Variants in PLAAT1 observed in about 807,000 individuals in gnomAD.
PLAAT1 encodes the protein H-REV107 protein-related protein.
In PLAAT1, 13 loss-of-function variants were observed where a neutral mutation model predicts 16.4. That is an observed-to-expected ratio of 0.79 (90% CI 0.52 to 1.26). The LOEUF (loss-of-function observed/expected upper bound fraction) is 1.26, where lower values mean the gene tolerates loss of function less well. Ranked by LOEUF, PLAAT1 falls within the 50% of genes most tolerant of loss-of-function variation. The pLI is 0.00. For synonymous variants in PLAAT1, 73 were observed against 78.4 expected (o/e 0.93, Z 0.36); for missense variants, 218 against 207.8 (o/e 1.05, Z -0.30).
downstream of PLAAT1, among the ~76,000 whole-genome samples, chr3:193,272,467 A>AAACAG (rs1440504650): frequency 6.6e-6 from 1 of 151,332 alleles, no homozygotes; most frequent in East Asian, 1.9e-4. Context: ...AAACAAAACA[A>AAACAG]AAAAACCCAG....
rs113450041 is a variant in PLAAT1, at chr3:193,268,965, C to T, written c.406-1639C>T. On this transcript the variant is annotated intron_variant, in intron 3 of 3. Transcript: ENST00000264735. ...CACCTCTGTTTAAAGACACTGATTGCACCTTCATTTTTTTTTTATTGACTA... is the reference window on the plus strand; with the variant it reads ...CACCTCTGTTTAAAGACACTGATTGTACCTTCATTTTTTTTTTATTGACTA... Among the ~76,000 whole-genome samples the T allele has an allele frequency of 8.6e-3, 1,302 of 152,190 alleles. 20 individuals carry two copies. Among genetic ancestry groups the T allele is most frequent in the African/African-American group, 0.03 (1,251 of 41,514 alleles).
In PLAAT1 at chr3:193,265,329, A is replaced by C. The variant is rs192243067; in HGVS notation, c.405+2094A>C. Reference sequence around the variant, plus strand: ...ATAAAAAGAAATGAAGTACTCATACATGCTACAGTATGGACCTTGAAAACA... The same window carrying C: ...ATAAAAAGAAATGAAGTACTCATACCTGCTACAGTATGGACCTTGAAAACA... On this transcript the variant is annotated intron_variant, in intron 3 of 3. Transcript: ENST00000264735. 2.6e-3 allele frequency among the ~76,000 whole-genome samples: 389 copies of C among 152,372 alleles called. 8 individuals are homozygous for C. The highest frequency in any genetic ancestry group is 0.023 in the Admixed American group (358 of 15,308).
chr3:193,246,135 T>C (rs755600037), intron 1 of PLAAT1, among the ~76,000 whole-genome samples: 2 of 152,176 alleles, frequency 1.3e-5, no homozygotes, highest in Non-Finnish European at 2.9e-5. Context: ...GTCTTTCTAA[T>C]CTTACAGGAA....
intron 1 of PLAAT1, among the ~76,000 whole-genome samples, chr3:193,249,461 T>C (rs1032526104): frequency 2.0e-5 from 3 of 152,198 alleles, no homozygotes; most frequent in African/African-American, 7.2e-5. Context: ...ATCATTTTAC[T>C]CAATGTCATT....
intron 1 of PLAAT1, among the ~76,000 whole-genome samples, chr3:193,253,561 T>G (rs913208230): frequency 2.6e-5 from 4 of 152,144 alleles, no homozygotes; most frequent in African/African-American, 9.7e-5. Flanking sequence ...CCCTAAGGGT[T>G]ACTTGCAGCA....
chr3:193,262,839 G>T, intron 2 of PLAAT1, 131 bp from the exon 3 acceptor site: 1 of 844,536 alleles, frequency 1.2e-6, no homozygotes, highest in Non-Finnish European at 1.9e-6. Context: ...GAGATTAAAT[G>T]ACTTTGGTTT....
At chr3:193,278,775 G>A (rs954930303), downstream of PLAAT1, among the ~76,000 whole-genome samples, 6 of 152,102 alleles carry the variant, frequency 3.9e-5, no homozygotes, top group South Asian at 4.1e-4. Flanking sequence ...CTCAGGTAGC[G>A]TTCAAGTATG....
At chr3:193,279,830 A>T (rs1181425328), downstream of PLAAT1, among the ~76,000 whole-genome samples, 1 of 151,846 alleles carries the variant, frequency 6.6e-6, no homozygotes, top group Non-Finnish European at 1.5e-5. Flanking sequence ...TCCTCTATTG[A>T]CATTCAAGGC....
At chr3:193,260,134 G>C (rs898128707) in intron 2 of PLAAT1, among the ~76,000 whole-genome samples, 2 of 152,154 alleles carry the variant, frequency 1.3e-5, no homozygotes, top group African/African-American at 4.8e-5. Context: ...AAATGGTGCT[G>C]GAATAACTGG....
Position 193,247,745 on chromosome 3 carries a change from C to T in PLAAT1, c.-1+6212C>T, listed in dbSNP as rs563559618. On this transcript the variant is annotated intron_variant, in intron 1 of 3. Transcript: ENST00000264735. ...TTTCCACATAGAGTTTTCCAAGATT[C>T]CTCCTGTTATTGATTTCTAGGTTTG... is the stretch of plus-strand genomic sequence containing the variant. Among the ~76,000 whole-genome samples the T allele has an allele frequency of 3.9e-5, 6 of 152,176 alleles. No homozygotes were observed. The East Asian group carries it at 1.2e-3, about 29-fold the overall frequency.
At chr3:193,276,077 G>A (rs1717186513) in intron 2 of PLAAT1, among the ~76,000 whole-genome samples, 1 of 151,934 alleles carries the variant, frequency 6.6e-6, no homozygotes, top group Non-Finnish European at 1.5e-5. Flanking sequence ...CTTCTTTTGG[G>A]TTATTAAAAC....
At chr3:193,267,359 A>T (rs1716816513) in intron 3 of PLAAT1, among the ~76,000 whole-genome samples, 1 of 151,508 alleles carries the variant, frequency 6.6e-6, no homozygotes, top group Non-Finnish European at 1.5e-5. Flanking sequence ...CCACCTATTC[A>T]TCCTTCCTTC....
At chr3:193,278,266 C>T (rs1331323484), downstream of PLAAT1, among the ~76,000 whole-genome samples, 2 of 152,142 alleles carry the variant, frequency 1.3e-5, no homozygotes, top group African/African-American at 4.8e-5. Context: ...AATTGCTTGT[C>T]TCTCCTCTCA....
downstream of PLAAT1, among the ~76,000 whole-genome samples, chr3:193,272,445 AAAAACAAAAC>A (rs376995592): frequency 9.0e-3 from 1,282 of 142,090 alleles, 20 homozygotes; most frequent in African/African-American, 0.031. Flanking sequence ...ACTCCACCTC[AAAAACAAAAC>A]AAAACAAAAC....
chr3:193,260,149 C>T (rs1205740197), intron 2 of PLAAT1, among the ~76,000 whole-genome samples: 4 of 152,028 alleles, frequency 2.6e-5, no homozygotes, highest in African/African-American at 9.7e-5. Context: ...AACTGGCTAG[C>T]CATATGCATA....
chr3:193,280,994 A>G (rs1483722215), downstream of PLAAT1, among the ~76,000 whole-genome samples: 5 of 152,166 alleles, frequency 3.3e-5, no homozygotes. Flanking sequence ...ATCCTTGAGC[A>G]CCTACACACA....
rs115481129 is a variant in PLAAT1, at chr3:193,260,843, T to C, written c.140-2127T>C. 4.5e-3 allele frequency among the ~76,000 whole-genome samples: 684 copies of C among 152,316 alleles called. 4 individuals are homozygous for C. Among genetic ancestry groups the C allele is most frequent in the African/African-American group, 0.016 (663 of 41,572 alleles). On this transcript the variant is annotated intron_variant, in intron 2 of 3. Transcript: ENST00000264735. The stretch of plus-strand genomic sequence containing the variant: ...CCATTTGATCCAGCAATCCTATTAC[T>C]GCATATATATCCAAAGGAAAATAAA...
intron 2 of PLAAT1, 134 bp downstream of exon 2, chr3:193,255,923 GT>G: frequency 1.3e-6 from 1 of 781,742 alleles, no homozygotes; most frequent in Non-Finnish European, 1.8e-6. Flanking sequence ...ACTAATCTAG[GT>G]TTAGAGAAGG....
rs35525262 is a variant in PLAAT1, at chr3:193,262,995, C to A, written c.165C>A (p.Ser55Arg). The change falls in exon 3 of 4, where the codon AGC becomes AGA. Residue 55 changes from serine to arginine, a missense_variant. Physicochemically the swap from Ser to Arg is moderately radical, Grantham distance 110. Coordinates refer to ENST00000264735, the MANE Select transcript of PLAAT1 (RefSeq NM_020386.5). ...PVDGIPASFT[S>R]AKSVFSSKAL... ...ATGGCATTCCTGCGTCCTTTACAAG[C>A]GCCAAGTCTGTATTCAGCAGTAAGG... 6.2e-7 allele frequency: 1 copy of A among 1,614,130 alleles called. No homozygotes were observed. Among genetic ancestry groups the A allele is most frequent in the Non-Finnish European group, 8.5e-7 (1 of 1,180,012 alleles).
Sources: allele counts gnomAD v4.1 joint callset (sites outside exome capture counted in the v4.1 genomes callset), GRCh38; gene constraint gnomAD v4.1.1; transcripts MANE v1.5; gene names NCBI Gene and HGNC (gene_info 2026-07-23, HGNC 2026-07-21).